Variants in PRKCH observed in about 807,000 individuals in gnomAD.
The protein encoded by PRKCH is protein kinase C eta, also known as protein kinase C eta type.
Under a neutral mutation model 82.5 loss-of-function variants are expected in PRKCH, and 28 were observed. The observed-to-expected ratio is 0.34, with a 90% CI of 0.25 to 0.47. PRKCH has a LOEUF of 0.47. Among genes scored for constraint, PRKCH ranks in the 20% least tolerant of loss-of-function variants. The probability of loss-of-function intolerance (pLI) is 1.00; values close to 1 mark genes in which losing one functional copy is unlikely to be tolerated. For missense variants in PRKCH, 705 were observed against 881.8 expected, an observed-to-expected ratio of 0.80 and a Z score of 2.54; for synonymous variants, 322 against 327.4, an observed-to-expected ratio of 0.98 and a Z score of 0.18.
chr14:61,283,510 A>G (rs972335309), intron 1 of PRKCH, among the ~76,000 whole-genome samples: 1 of 152,164 alleles, frequency 6.6e-6, no homozygotes, highest in Non-Finnish European at 1.5e-5. Context: ...GCAGATAGCA[A>G]GATAGGAAGA....
At chr14:61,371,803 T>TTG (rs1387766111) in intron 1 of PRKCH, among the ~76,000 whole-genome samples, 12 of 152,070 alleles carry the variant, frequency 7.9e-5, no homozygotes, top group Non-Finnish European at 1.5e-4. Flanking sequence ...CACACTTTAG[T>TTG]TGTGGAGAAT....
intron 10 of PRKCH, among the ~76,000 whole-genome samples, chr14:61,502,307 C>T (rs907657297): frequency 6.6e-6 from 1 of 152,094 alleles, no homozygotes; most frequent in Non-Finnish European, 1.5e-5. Context: ...GTGATCCGCA[C>T]ACCCCAGCCT....
chr14:61,457,365 T>G (rs926114337), intron 8 of PRKCH, 46 bp downstream of exon 8: 1 of 1,608,520 alleles, frequency 6.2e-7, no homozygotes, highest in Non-Finnish European at 8.5e-7. Flanking sequence ...GTGTGCTCTG[T>G]GTATGGGGGG....
chr14:61,273,820 A>C (rs2045179128), intron 1 of PRKCH, among the ~76,000 whole-genome samples: 1 of 152,226 alleles, frequency 6.6e-6, no homozygotes. Context: ...ATTATTTCCT[A>C]TGCATTCAAC....
At chr14:61,313,798 C>T (rs1021002001) in intron 1 of PRKCH, among the ~76,000 whole-genome samples, 8 of 151,778 alleles carry the variant, frequency 5.3e-5, no homozygotes, top group Admixed American at 5.3e-4. Flanking sequence ...GACCCACTCA[C>T]TGTCATGAGA....
chr14:61,331,673 T>C (rs1338172200), intron 1 of PRKCH, among the ~76,000 whole-genome samples: 2 of 152,234 alleles, frequency 1.3e-5, no homozygotes, highest in Non-Finnish European at 2.9e-5. Context: ...TGGGTCCCAT[T>C]TCCCCGTTAT....
chr14:61,272,344 C>CTTTTTTTTTTTTTTTTTTTTTT (rs1162331604), intron 1 of PRKCH, among the ~76,000 whole-genome samples: 16 of 23,614 alleles, frequency 6.8e-4, no homozygotes, highest in Admixed American at 1.1e-3. Context: ...TTTTTTCTTT[C>CTTTTTTTTTTTTTTTTTTTTTT]TTTTTTTTTT....
At chr14:61,396,835 G>A (rs1274691366) in intron 2 of PRKCH, among the ~76,000 whole-genome samples, 2 of 152,180 alleles carry the variant, frequency 1.3e-5, no homozygotes, top group African/African-American at 4.8e-5. Flanking sequence ...GGGCTTATGT[G>A]TGGGCTTGCC....
At chr14:61,355,387 A>G (rs1167040804) in intron 1 of PRKCH, among the ~76,000 whole-genome samples, 1 of 150,264 alleles carries the variant, frequency 6.7e-6, no homozygotes, top group Non-Finnish European at 1.5e-5. Context: ...TCCTGGTCTT[A>G]TCTGATAGCT....
chr14:61,345,309 CTA>C (rs2045978156), intron 1 of PRKCH, among the ~76,000 whole-genome samples: 1 of 152,260 alleles, frequency 6.6e-6, no homozygotes, highest in East Asian at 1.9e-4. Context: ...GTTTTCCAGA[CTA>C]TGTAGGTTTT....
At chr14:61,468,578 A>G (rs1402272943) in intron 9 of PRKCH, among the ~76,000 whole-genome samples, 2 of 152,212 alleles carry the variant, frequency 1.3e-5, no homozygotes, top group Non-Finnish European at 2.9e-5. Flanking sequence ...ATGAATAGGA[A>G]TAAGAGAACC....
chr14:61,326,425 G>T (rs1256807458), intron 1 of PRKCH, among the ~76,000 whole-genome samples: 1 of 152,240 alleles, frequency 6.6e-6, no homozygotes, highest in African/African-American at 2.4e-5. Flanking sequence ...CCTAAAAATG[G>T]AGAGTGGAGG....
chr14:61,237,663 G>T (rs533807037), intron 1 of PRKCH, among the ~76,000 whole-genome samples: 1 of 152,138 alleles, frequency 6.6e-6, no homozygotes, highest in South Asian at 2.1e-4. Flanking sequence ...GAAAATCTTT[G>T]AATCCACCTA....
intron 1 of PRKCH, among the ~76,000 whole-genome samples, chr14:61,269,011 C>A (rs577969437): frequency 6.6e-6 from 1 of 152,270 alleles, no homozygotes; most frequent in Admixed American, 6.5e-5. Context: ...AAGACATATT[C>A]TTCCTATTTG....
At chr14:61,547,637 C>A (rs1038446267) in intron 12 of PRKCH, 106 bp from the exon 13 acceptor site, 11 of 1,408,168 alleles carry the variant, frequency 7.8e-6, no homozygotes, top group Admixed American at 4.3e-5. Context: ...GCAAGACCTG[C>A]CAGAAAGTCT....
chr14:61,236,710 C>CAAAAAAAAAAA (rs35185475), intron 1 of PRKCH, among the ~76,000 whole-genome samples: 117 of 86,896 alleles, frequency 1.3e-3, no homozygotes, highest in Non-Finnish European at 1.6e-3. Context: ...TGTCTCAAAA[C>CAAAAAAAAAAA]AAAAAAAAAA....
intron 10 of PRKCH, among the ~76,000 whole-genome samples, chr14:61,520,479 C>A (rs971745568): frequency 3.3e-5 from 5 of 151,962 alleles, no homozygotes; most frequent in African/African-American, 1.2e-4. Flanking sequence ...TTCAACCAGG[C>A]GATAATATTT....
At chr14:61,479,943 C>G (rs1163964376) in intron 9 of PRKCH, among the ~76,000 whole-genome samples, 1 of 152,236 alleles carries the variant, frequency 6.6e-6, no homozygotes, top group African/African-American at 2.4e-5. Context: ...ATGTTAATGA[C>G]TTGTACTTGT....
chr14:61,313,342 T>C (rs1182587248), intron 1 of PRKCH, among the ~76,000 whole-genome samples: 1 of 152,252 alleles, frequency 6.6e-6, no homozygotes, highest in Admixed American at 6.5e-5. Flanking sequence ...ATTAGCTATA[T>C]TAATAATAGC....
Sources: allele counts gnomAD v4.1 joint callset (sites outside exome capture counted in the v4.1 genomes callset), GRCh38; gene constraint gnomAD v4.1.1; transcripts MANE v1.5; gene names NCBI Gene and HGNC (gene_info 2026-07-23, HGNC 2026-07-21).